Variants in STX18 observed in about 807,000 individuals in gnomAD.
STX18 encodes the protein syntaxin-18.
A neutral mutation model predicts 50.1 loss-of-function variants in STX18; 40 were observed. That is an observed-to-expected ratio of 0.80 (90% confidence interval 0.62 to 1.04). The LOEUF is 1.04. STX18 is among the 50% of genes least tolerant of loss of function. The pLI is 0.00. For synonymous variants in STX18, 158 were observed against 151.8 expected, an observed-to-expected ratio of 1.04 and a Z score of -0.30; for missense variants, 410 against 415.8, an observed-to-expected ratio of 0.99 and a Z score of 0.12.
chr4:4,447,912 T>C (rs966507675), intron 5 of STX18, among the ~76,000 whole-genome samples: 1 of 152,068 alleles, frequency 6.6e-6, no homozygotes, highest in Non-Finnish European at 1.5e-5. Context: ...AACCCATAAA[T>C]AATGCAAATA....
chr4:4,541,732 G>A lies in STX18; in HGVS notation c.168+65C>T, dbSNP rs564616575. On this transcript the variant is annotated intron_variant, in intron 1 of 10. Coordinates refer to ENST00000306200, the MANE Select transcript of STX18 (RefSeq NM_016930.4). ...CTTACGGGACGGGGTCTGGTTTGGG[G>A]CCCGGGGTCCCTGTCGCAGGACTGC... 6 of 1,541,316 alleles carry A rather than the reference G, an allele frequency of 3.9e-6. No homozygotes were observed. In the African/African-American group the frequency reaches 6.9e-5, roughly 18 times the overall value.
At chr4:4,428,591 G>A (rs537349643) in intron 7 of STX18, among the ~76,000 whole-genome samples, 6 of 152,098 alleles carry the variant, frequency 3.9e-5, no homozygotes, top group South Asian at 2.1e-4. Context: ...CAAAATGAGC[G>A]GTCAGATGCT....
chr4:4,500,896 G>A (rs1729421646), intron 1 of STX18, among the ~76,000 whole-genome samples: 1 of 152,092 alleles, frequency 6.6e-6, no homozygotes, highest in African/African-American at 2.4e-5. Flanking sequence ...AATTAGCTGG[G>A]CGTGGTGGCG....
At chr4:4,542,208 C>T, upstream of STX18, 1 of 480,916 alleles carries the variant, frequency 2.1e-6, no homozygotes, top group Non-Finnish European at 3.6e-6. Context: ...CGGTTTCTCC[C>T]AGCAAAGCTT....
intron 1 of STX18, among the ~76,000 whole-genome samples, chr4:4,479,265 C>T (rs1277999835): frequency 1.3e-5 from 2 of 152,180 alleles, no homozygotes; most frequent in Admixed American, 1.3e-4. Flanking sequence ...AGTAAACTAA[C>T]ACATCCTGTA....
At chr4:4,447,289 C>G (rs1161275860) in intron 5 of STX18, among the ~76,000 whole-genome samples, 1 of 151,976 alleles carries the variant, frequency 6.6e-6, no homozygotes, top group Non-Finnish European at 1.5e-5. Context: ...TGTTTTCCCA[C>G]CTATAAAATG....
intron 1 of STX18, among the ~76,000 whole-genome samples, chr4:4,477,314 G>A (rs1430188897): frequency 6.6e-6 from 1 of 152,168 alleles, no homozygotes; most frequent in Non-Finnish European, 1.5e-5. Flanking sequence ...TCATTTTGAG[G>A]TAGAGATTTT....
chr4:4,446,448 T>A (rs964733071), intron 5 of STX18, among the ~76,000 whole-genome samples: 12 of 152,000 alleles, frequency 7.9e-5, no homozygotes, highest in African/African-American at 2.9e-4. Flanking sequence ...TACAAAGAAC[T>A]CCTATACAAA....
rs1182774505 is a variant in STX18 at position 4,457,176 on chromosome 4, G to T, written c.497+15C>A. On this transcript the variant is annotated intron_variant, in intron 5 of 10. Coordinates refer to ENST00000306200, the MANE Select transcript of STX18 (RefSeq NM_016930.4). The stretch of plus-strand genomic sequence containing the variant: ...CTATTATTAATTAAGAAACACCAAT[G>T]AAAGCAATACTTACAATCTTTTCTT... 6.2e-7 allele frequency: 1 copy of T among 1,608,996 alleles called. No homozygotes were observed. Among genetic ancestry groups the T allele is most frequent in the East Asian group, 2.2e-5 (1 of 44,846 alleles).
intron 1 of STX18, among the ~76,000 whole-genome samples, chr4:4,513,312 C>A (rs1730092284): frequency 6.6e-6 from 1 of 152,112 alleles, no homozygotes; most frequent in East Asian, 1.9e-4. Context: ...ATGGGGTTTC[C>A]CATTCATCTG....
At chr4:4,499,050 G>C (rs932748388) in intron 1 of STX18, among the ~76,000 whole-genome samples, 9 of 152,320 alleles carry the variant, frequency 5.9e-5, no homozygotes, top group East Asian at 1.9e-4. Flanking sequence ...CTTCTTAGGA[G>C]AGGAATAACA....
At chr4:4,522,178 G>C (rs1208370722) in intron 1 of STX18, among the ~76,000 whole-genome samples, 3 of 152,130 alleles carry the variant, frequency 2.0e-5, no homozygotes, top group African/African-American at 7.2e-5. Flanking sequence ...TCACATGTCA[G>C]TTGTTAGCAT....
At chr4:4,422,595 A>AAAAAG (rs939044164) in intron 9 of STX18, among the ~76,000 whole-genome samples, 1 of 151,858 alleles carries the variant, frequency 6.6e-6, no homozygotes, top group African/African-American at 2.4e-5. Flanking sequence ...AAAAAGAAAA[A>AAAAAG]AAAAGAAAAG....
At chr4:4,453,364 A>AT (rs1560171429) in intron 5 of STX18, among the ~76,000 whole-genome samples, 1 of 152,114 alleles carries the variant, frequency 6.6e-6, no homozygotes, top group African/African-American at 2.4e-5. Flanking sequence ...CCCACCCTCA[A>AT]TCAGTCAGTA....
chr4:4,423,635 C>A lies in STX18; in HGVS notation c.762-48G>T, dbSNP rs750592791. 3.2e-6 allele frequency: 5 copies of A among 1,561,408 alleles called. No individual in the cohort carries two copies. In the South Asian group the frequency reaches 4.4e-5, roughly 14 times the overall value. ...ATATTAACTATTAGCACTTGGTAATCTAACAGGACTGTTACACACTTCTAA... is the reference window on the plus strand; with the variant it reads ...ATATTAACTATTAGCACTTGGTAATATAACAGGACTGTTACACACTTCTAA... On this transcript the variant is annotated intron_variant, in intron 8 of 10. Transcript: ENST00000306200.
At chr4:4,460,678 C>T (rs1398234416) in intron 2 of STX18, among the ~76,000 whole-genome samples, 1 of 152,200 alleles carries the variant, frequency 6.6e-6, no homozygotes, top group East Asian at 1.9e-4. Context: ...AGATGATCCT[C>T]TCTCAGTGGA....
In STX18 at chr4:4,511,243, G is replaced by A. The variant is rs918258710; in HGVS notation, c.168+30554C>T. On this transcript the variant is annotated intron_variant, in intron 1 of 10. Coordinates refer to ENST00000306200, the MANE Select transcript of STX18 (RefSeq NM_016930.4). ...TTGGAAGATGAATCAAAGGTACAAT[G>A]CATTCTGACAGTTTCAAAGAGGAAT... is the stretch of plus-strand genomic sequence containing the variant. Among the ~76,000 whole-genome samples, 7 of 152,300 alleles carry A rather than the reference G, an allele frequency of 4.6e-5. No homozygotes were observed. In the South Asian group the frequency reaches 1.5e-3, roughly 32 times the overall value.
At chr4:4,457,124 A>C in intron 5 of STX18, 67 bp downstream of exon 5, 2 of 1,450,570 alleles carry the variant, frequency 1.4e-6, no homozygotes, top group South Asian at 1.2e-5. Context: ...AGTGCTCTAC[A>C]AACTTTAACT....
At chr4:4,472,242 C>T (rs112145901) in intron 1 of STX18, among the ~76,000 whole-genome samples, 13 of 152,178 alleles carry the variant, frequency 8.5e-5, no homozygotes, top group African/African-American at 3.1e-4. Context: ...CTCAAAGATA[C>T]AGGTACAAAG....
Sources: gnomAD v4.1 joint callset for allele counts (sites outside exome capture counted in the v4.1 genomes callset) on GRCh38, gnomAD v4.1.1 for gene constraint, MANE v1.5 for transcripts, NCBI Gene and HGNC (gene_info 2026-07-23, HGNC 2026-07-21) for gene names.